SLC14A2: variants seen among roughly 807,000 people sequenced by gnomAD.
SLC14A2 encodes urea transporter 2.
SLC14A2 carries 91 observed loss-of-function variants against 104.6 expected under a neutral mutation model. The ratio of observed to expected loss-of-function variants is 0.87; its 90% CI spans 0.73 to 1.04. SLC14A2 has a LOEUF of 1.04. Ranked by LOEUF, SLC14A2 falls within the 50% of genes least tolerant of loss-of-function variation. The pLI is 0.00. For missense variants in SLC14A2, 1,189 were observed against 1,156.0 expected (o/e 1.03, Z -0.41); for synonymous variants, 476 against 466.4 (o/e 1.02, Z -0.27).
At chr18:45,516,234 C>A (rs999796310) in intron 2 of SLC14A2, among the ~76,000 whole-genome samples, 11 of 151,982 alleles carry the variant, frequency 7.2e-5, no homozygotes, top group African/African-American at 2.2e-4. Flanking sequence ...CCCTTCCTTC[C>A]TCCCTTCCAT....
intron 2 of SLC14A2, among the ~76,000 whole-genome samples, chr18:45,522,849 C>A (rs150896634): frequency 6.6e-6 from 1 of 152,228 alleles, no homozygotes; most frequent in East Asian, 1.9e-4. Context: ...ACCAGCTATA[C>A]CCTGTTGCCT....
chr18:45,679,794 G>T (rs1334426914), intron 19 of SLC14A2, among the ~76,000 whole-genome samples: 2 of 152,200 alleles, frequency 1.3e-5, no homozygotes, highest in African/African-American at 4.8e-5. Context: ...AGTAGAATTT[G>T]CCTTCCCTGA....
At chr18:45,387,344 C>T (rs962715378) in intron 1 of SLC14A2, among the ~76,000 whole-genome samples, 1 of 152,166 alleles carries the variant, frequency 6.6e-6, no homozygotes, top group East Asian at 1.9e-4. Flanking sequence ...CCCTGCCCCC[C>T]AAACAAGGAG....
chr18:45,565,112 G>A (rs1203819515), intron 2 of SLC14A2, among the ~76,000 whole-genome samples: 8 of 151,694 alleles, frequency 5.3e-5, no homozygotes, highest in African/African-American at 9.7e-5. Context: ...TATTGTGAGC[G>A]TGCATGCATG....
intron 1 of SLC14A2, among the ~76,000 whole-genome samples, chr18:45,398,141 A>G (rs1349418284): frequency 6.6e-6 from 1 of 152,200 alleles, no homozygotes; most frequent in African/African-American, 2.4e-5. Flanking sequence ...ACTCAGAGGG[A>G]CTAAATGAAT....
chr18:45,606,276 C>T (rs1201202815), intron 2 of SLC14A2, among the ~76,000 whole-genome samples: 1 of 152,124 alleles, frequency 6.6e-6, no homozygotes, highest in Non-Finnish European at 1.5e-5. Context: ...CTATCTGGTT[C>T]CTTTCTTATG....
chr18:45,420,606 C>T (rs1275668275), intron 1 of SLC14A2, among the ~76,000 whole-genome samples: 1 of 151,976 alleles, frequency 6.6e-6, no homozygotes, highest in Non-Finnish European at 1.5e-5. Context: ...GTAAAGAATT[C>T]CTTTAATCTG....
chr18:45,508,797 G>T (rs1250223580), intron 2 of SLC14A2, among the ~76,000 whole-genome samples: 1 of 152,148 alleles, frequency 6.6e-6, no homozygotes, highest in Non-Finnish European at 1.5e-5. Flanking sequence ...GGGCTACTAG[G>T]TTCAAGGCAT....
chr18:45,588,211 C>G (rs567887745), intron 2 of SLC14A2, among the ~76,000 whole-genome samples: 1 of 152,220 alleles, frequency 6.6e-6, no homozygotes, highest in Admixed American at 6.5e-5. Flanking sequence ...ATAGAAGGAA[C>G]TGGCTGGGGA....
At chr18:45,491,027 C>G (rs2042988249) in intron 2 of SLC14A2, among the ~76,000 whole-genome samples, 1 of 152,176 alleles carries the variant, frequency 6.6e-6, no homozygotes, top group Non-Finnish European at 1.5e-5. Context: ...TTGTTTTTAT[C>G]TCTTTAGAGG....
chr18:45,215,192 C>G (rs1195600135), intron 1 of SLC14A2, among the ~76,000 whole-genome samples: 1 of 152,118 alleles, frequency 6.6e-6, no homozygotes, highest in Non-Finnish European at 1.5e-5. Flanking sequence ...CTAAAATTGC[C>G]TTATACATTA....
At chr18:45,476,667 C>T (rs2087386954) in intron 1 of SLC14A2, among the ~76,000 whole-genome samples, 1 of 152,134 alleles carries the variant, frequency 6.6e-6, no homozygotes, top group African/African-American at 2.4e-5. Flanking sequence ...TTCTTGGAGG[C>T]TTTGTTTGTT....
At position 45,617,573 on chromosome 18, in the gene SLC14A2, T is replaced by C. The variant is rs113231206; in HGVS notation, c.-35+1991T>C. Reference sequence around the variant, plus strand: ...GCCAGGCTCTTATACAACCCAGCCCTGAGTAAGGCACCTCTCAGCCCAGCT... The same window carrying C: ...GCCAGGCTCTTATACAACCCAGCCCCGAGTAAGGCACCTCTCAGCCCAGCT... On this transcript the variant is annotated intron_variant, in intron 1 of 19. Transcript: ENST00000255226. Among the ~76,000 whole-genome samples the C allele has an allele frequency of 3.2e-3, 481 of 152,308 alleles. 1 individual carries two copies. Among genetic ancestry groups the C allele is most frequent in the African/African-American group, 0.011 (454 of 41,584 alleles).
At chr18:45,432,229 T>C (rs907538208) in intron 1 of SLC14A2, among the ~76,000 whole-genome samples, 1 of 152,082 alleles carries the variant, frequency 6.6e-6, no homozygotes, top group South Asian at 2.1e-4. Context: ...CCCCGTACAG[T>C]GTTCTGCATG....
chr18:45,360,534 G>T (rs16978350), intron 1 of SLC14A2, among the ~76,000 whole-genome samples: 40,616 of 152,056 alleles, frequency 0.27, 5,589 homozygotes, highest in South Asian at 0.31. Context: ...TTTTCTAAAG[G>T]CTTCTGGTAA....
chr18:45,370,370 A>G (rs924710357), intron 1 of SLC14A2, among the ~76,000 whole-genome samples: 9 of 152,196 alleles, frequency 5.9e-5, no homozygotes, highest in African/African-American at 2.2e-4. Context: ...AGGCAACTCT[A>G]TCATCTGCTC....
intron 1 of SLC14A2, among the ~76,000 whole-genome samples, chr18:45,397,389 T>C (rs1315414275): frequency 6.6e-6 from 1 of 152,218 alleles, no homozygotes; most frequent in East Asian, 1.9e-4. Flanking sequence ...CAGTGTGGTT[T>C]TGACTTGCAT....
At chr18:45,260,066 G>A (rs964465929) in intron 1 of SLC14A2, among the ~76,000 whole-genome samples, 1 of 152,182 alleles carries the variant, frequency 6.6e-6, no homozygotes, top group Non-Finnish European at 1.5e-5. Flanking sequence ...TCTAGCACTA[G>A]AGAATTTTCT....
intron 1 of SLC14A2, among the ~76,000 whole-genome samples, chr18:45,316,297 C>T (rs2085128535): frequency 6.6e-6 from 1 of 152,200 alleles, no homozygotes; most frequent in Non-Finnish European, 1.5e-5. Flanking sequence ...CGAAAAGACC[C>T]TCGGAGGCAG....
Sources: gnomAD v4.1 joint callset for allele counts (sites outside exome capture counted in the v4.1 genomes callset) on GRCh38, gnomAD v4.1.1 for gene constraint, MANE v1.5 for transcripts, NCBI Gene and HGNC (gene_info 2026-07-23, HGNC 2026-07-21) for gene names.